The following PTPN1 variants were observed in gnomAD, a reference collection of about 807,000 sequenced individuals.
PTPN1 encodes the protein protein tyrosine phosphatase non-receptor type 1.
Under a neutral mutation model 59.9 loss-of-function variants are expected in PTPN1, and 12 were observed. The ratio of observed to expected loss-of-function variants is 0.20; its 90% CI spans 0.13 to 0.32. The LOEUF is 0.32. Among genes scored for constraint, PTPN1 ranks in the 10% least tolerant of loss-of-function variants. PTPN1 has a pLI of 1.00. For missense variants in PTPN1, 356 were observed against 549.2 expected (o/e 0.65, Z 3.52); for synonymous variants, 178 against 203.6 (o/e 0.87, Z 1.07).
intron 1 of PTPN1, among the ~76,000 whole-genome samples, chr20:50,524,994 G>A (rs2082568212): frequency 6.6e-6 from 1 of 152,178 alleles, no homozygotes; most frequent in African/African-American, 2.4e-5. Flanking sequence ...ATGGCTAAGT[G>A]ATAAGACTGA....
intron 1 of PTPN1, among the ~76,000 whole-genome samples, chr20:50,536,240 C>T (rs935827780): frequency 6.6e-6 from 1 of 152,196 alleles, no homozygotes; most frequent in Non-Finnish European, 1.5e-5. Flanking sequence ...TCTTACTTTT[C>T]CCTATAAGGC....
At chr20:50,510,738 T>TCCC (rs1310128486) in intron 1 of PTPN1, 148 bp downstream of exon 1, 2 of 867,186 alleles carry the variant, frequency 2.3e-6, no homozygotes, top group African/African-American at 1.8e-5. Flanking sequence ...ACGCACTGCG[T>TCCC]CCCCCCACCC....
intron 5 of PTPN1, 96 bp from the exon 6 acceptor site, chr20:50,578,324 G>C (rs1261641217): frequency 1.0e-6 from 1 of 983,200 alleles, no homozygotes; most frequent in East Asian, 2.5e-5. Context: ...TCCTCTTAGA[G>C]GTAGAGAGTG....
intron 6 of PTPN1, 136 bp from the exon 7 acceptor site, chr20:50,579,032 C>A: frequency 9.6e-7 from 1 of 1,041,334 alleles, no homozygotes; most frequent in Non-Finnish European, 1.4e-6. Context: ...CCAGACACCT[C>A]CCACCCAGCC....
At chr20:50,573,395 A>T (rs1038181859) in intron 4 of PTPN1, 1 of 152,188 alleles carries the variant, frequency 6.6e-6, no homozygotes, top group Non-Finnish European at 1.5e-5. Context: ...GACCTGAAAC[A>T]TTTCCCTCTT....
rs1307486924 is a variant in PTPN1, at chr20:50,568,498, G to A, written c.354+20G>A. 2 of 1,588,470 alleles carry A rather than the reference G, an allele frequency of 1.3e-6. No homozygotes were observed. Among genetic ancestry groups the A allele is most frequent in the Admixed American group, 3.3e-5 (2 of 59,992 alleles). On this transcript the variant is annotated intron_variant, in intron 4 of 9. Coordinates refer to ENST00000371621, the MANE Select transcript of PTPN1 (RefSeq NM_002827.4). This position sits in a 1 kb window ranked among gnomAD's most constrained non-coding sequence, Gnocchi z 5.6. ...GGTTCGGTAAGTCTCGGCTTCATTT[G>A]CTGTGTATGTGATCATGCATACCAC...
chr20:50,519,202 G>A (rs958247761), intron 1 of PTPN1, among the ~76,000 whole-genome samples: 7 of 152,174 alleles, frequency 4.6e-5, no homozygotes, highest in Non-Finnish European at 8.8e-5. Context: ...AGTGGTATTG[G>A]TAGGTTCTGT....
intron 1 of PTPN1, among the ~76,000 whole-genome samples, chr20:50,513,297 A>G (rs543338641): frequency 2.6e-5 from 4 of 152,334 alleles, no homozygotes; most frequent in Admixed American, 2.6e-4. Context: ...GCATTTAAAC[A>G]CTTTCAAATC....
At chr20:50,579,124 G>C (rs770718148) in intron 6 of PTPN1, 44 bp from the exon 7 acceptor site, 3 of 1,601,724 alleles carry the variant, frequency 1.9e-6, no homozygotes, top group African/African-American at 1.3e-5. Context: ...CGTTGCCCTT[G>C]AGAATTGGAC....
At chr20:50,541,109 C>T (rs995426509) in intron 1 of PTPN1, among the ~76,000 whole-genome samples, 14 of 152,090 alleles carry the variant, frequency 9.2e-5, no homozygotes, top group African/African-American at 2.9e-4. Flanking sequence ...CACATTCTTC[C>T]GAGAAATGTT....
chr20:50,569,335 C>T (rs2082794969), intron 4 of PTPN1, among the ~76,000 whole-genome samples: 6 of 152,214 alleles, frequency 3.9e-5, no homozygotes, highest in Admixed American at 3.9e-4. Context: ...TTTTTAGTTT[C>T]TTACCATGTT....
chr20:50,566,753 G>C (rs977626907), intron 3 of PTPN1, among the ~76,000 whole-genome samples: 2 of 152,126 alleles, frequency 1.3e-5, no homozygotes, highest in Non-Finnish European at 2.9e-5. Context: ...AGTGTGGTGC[G>C]TGTCCTTGCA....
chr20:50,515,598 G>A (rs1568771516), intron 1 of PTPN1, among the ~76,000 whole-genome samples: 1 of 152,158 alleles, frequency 6.6e-6, no homozygotes, highest in Non-Finnish European at 1.5e-5. Flanking sequence ...AGCTGTAGCT[G>A]CTACTTTATA....
At chr20:50,534,966 C>T (rs187207916) in intron 1 of PTPN1, among the ~76,000 whole-genome samples, 25 of 152,052 alleles carry the variant, frequency 1.6e-4, no homozygotes, top group African/African-American at 3.9e-4. Context: ...TGCCTTCAGG[C>T]GGAACTCCTG....
At chr20:50,575,409 G>A (rs6096012) in intron 5 of PTPN1, among the ~76,000 whole-genome samples, 1 of 152,184 alleles carries the variant, frequency 6.6e-6, no homozygotes, top group African/African-American at 2.4e-5. Context: ...GTCAAACTCA[G>A]GTTTTGCGAG....
intron 3 of PTPN1, among the ~76,000 whole-genome samples, chr20:50,566,555 C>G (rs1050617528): frequency 6.6e-6 from 1 of 152,112 alleles, no homozygotes; most frequent in East Asian, 1.9e-4. Context: ...AGCATCACCC[C>G]TGGACACTAT....
Position 50,579,260 on chromosome 20 carries a change from C to T in PTPN1, c.795C>T (p.Asp265=), listed in dbSNP as rs753535554. ...GGATGGGGCTGATCCAGACAGCCGA[C>T]CAGCTGCGCTTCTCCTACCTGGCTG... ...KFRMGLIQTA[D]QLRFSYLAVI... Residue 265 remains aspartate, a synonymous_variant, in exon 7 of 10, where the codon GAC becomes GAT. Coordinates refer to ENST00000371621, the MANE Select transcript of PTPN1 (RefSeq NM_002827.4). 7.4e-6 allele frequency: 12 copies of T among 1,614,114 alleles called. No homozygotes were observed. In the Admixed American group the frequency reaches 1.2e-4, roughly 16 times the overall value.
intron 1 of PTPN1, among the ~76,000 whole-genome samples, chr20:50,547,360 T>A (rs1239498380): frequency 6.6e-6 from 1 of 151,960 alleles, no homozygotes; most frequent in South Asian, 2.1e-4. Context: ...CAAATTCATT[T>A]TATCTGCATT....
intron 1 of PTPN1, among the ~76,000 whole-genome samples, chr20:50,537,197 C>T (rs1463528770): frequency 6.6e-6 from 1 of 152,094 alleles, no homozygotes; most frequent in East Asian, 1.9e-4. Context: ...GTGGCGGGCA[C>T]CTGTAATCCC....
Sources: gnomAD v4.1 joint callset for allele counts (sites outside exome capture counted in the v4.1 genomes callset) on GRCh38, gnomAD v4.1.1 for gene constraint, Gnocchi (gnomAD v3.1) non-coding constraint, MANE v1.5 for transcripts, NCBI Gene and HGNC (gene_info 2026-07-23, HGNC 2026-07-21) for gene names.